Variants in IL34 observed in about 807,000 individuals in gnomAD.
IL34 encodes the protein interleukin 34, also known as interleukin-34.
IL34 carries 17 observed loss-of-function variants against 25.3 expected under a neutral mutation model. The ratio of observed to expected loss-of-function variants is 0.67; its 90% CI spans 0.46 to 1.01. IL34 has a LOEUF of 1.01. Among genes scored for constraint, IL34 ranks in the 50% least tolerant of loss-of-function variants. The pLI is 0.00. For missense variants in IL34, 368 were observed against 312.9 expected, an observed-to-expected ratio of 1.18 and a Z score of -1.33; for synonymous variants, 174 against 140.9, an observed-to-expected ratio of 1.23 and a Z score of -1.66.
chr16:70,610,566 GAC>G (rs2051075881), intron 1 of IL34, among the ~76,000 whole-genome samples: 1 of 152,186 alleles, frequency 6.6e-6, no homozygotes, highest in African/African-American at 2.4e-5. Flanking sequence ...TGGGGAGAAC[GAC>G]ACACAACACA....
chr16:70,637,325 A>G (rs2051678131), intron 1 of IL34, among the ~76,000 whole-genome samples: 3 of 151,928 alleles, frequency 2.0e-5, no homozygotes, highest in Admixed American at 1.3e-4. Context: ...AGGTTTTACA[A>G]TTAATTCTAT....
intron 1 of IL34, among the ~76,000 whole-genome samples, chr16:70,596,044 G>C (rs1481519579): frequency 1.3e-5 from 2 of 152,064 alleles, no homozygotes; most frequent in Middle Eastern, 3.4e-3. Flanking sequence ...TATAGACTGG[G>C]AGGCTTGTAA....
At position 70,646,666 on chromosome 16, in the gene IL34, C is replaced by T. The variant is rs568441421; in HGVS notation, c.-282C>T. The T allele has an allele frequency of 4.9e-5, 21 of 430,178 alleles. No homozygotes were observed. Among genetic ancestry groups the T allele is most frequent in the Middle Eastern group, 5.8e-4 (1 of 1,714 alleles). The allele number at this position is 430,178 out of a possible 1,614,324, so 26.6% of individuals were successfully genotyped here. Reference sequence around the variant, plus strand: ...TCCTGCTCCTTGGAAAGGAAGACCCCGAAAGACCCCCAAGCCACCGGCTCA... The same window carrying T: ...TCCTGCTCCTTGGAAAGGAAGACCCTGAAAGACCCCCAAGCCACCGGCTCA... On this transcript the variant is annotated 5_prime_UTR_variant, in exon 1 of 6. Transcript: ENST00000288098.
chr16:70,636,045 T>A (rs1302802803), intron 1 of IL34, among the ~76,000 whole-genome samples: 10 of 150,248 alleles, frequency 6.7e-5, no homozygotes, highest in South Asian at 2.1e-4. Flanking sequence ...TTTTTTTTTT[T>A]AATTTTTATT....
intron 1 of IL34, among the ~76,000 whole-genome samples, chr16:70,623,866 C>G (rs1336817456): frequency 6.6e-6 from 1 of 150,608 alleles, no homozygotes; most frequent in Non-Finnish European, 1.5e-5. Flanking sequence ...GGTTTAGAAG[C>G]CTGGCCGTCA....
intron 1 of IL34, among the ~76,000 whole-genome samples, chr16:70,611,538 C>G (rs142577698): frequency 1.3e-5 from 2 of 152,104 alleles, no homozygotes; most frequent in Non-Finnish European, 2.9e-5. Context: ...CCTGTAATCC[C>G]AGCTCTTTGG....
In IL34 at chr16:70,646,962, C is replaced by T; in HGVS notation, c.15C>T (p.Phe5=). 1 of 1,465,902 alleles carries T rather than the reference C, an allele frequency of 6.8e-7. No homozygotes were observed. The highest frequency in any genetic ancestry group is 9.0e-7 in the Non-Finnish European group (1 of 1,116,072). The allele number at this position is 1,465,902 out of a possible 1,614,324, so 90.8% of individuals were successfully genotyped here. A position where few individuals can be genotyped will look rare whatever the true frequency, so the allele number is the denominator to read the frequency against. The change falls in exon 1 of 6, where the codon TTC becomes TTT. Residue 5 remains phenylalanine, a synonymous_variant. Coordinates refer to ENST00000288098, the MANE Select transcript of IL34 (RefSeq NM_001393494.1). MPRG[F]TWLRYLGIFL... is the part of the protein sequence containing the mutation. The stretch of plus-strand genomic sequence containing the variant: ...GGAACACCACCATGCCCCGGGGCTT[C>T]ACCTGGCTGCGCTGTGAGTACTGGG...
chr16:70,609,659 T>G (rs1057143216), intron 1 of IL34, among the ~76,000 whole-genome samples: 4 of 152,168 alleles, frequency 2.6e-5, no homozygotes, highest in African/African-American at 9.6e-5. Context: ...AGAGACTGTC[T>G]GGGACTACAG....
rs3058045 is a variant in IL34 at position 70,602,583 on chromosome 16, ATGTG to A, written c.-401+22572_-401+22575del. 5.2e-3 allele frequency among the ~76,000 whole-genome samples: 703 copies of A among 135,010 alleles called. 5 individuals are homozygous for A. The highest frequency in any genetic ancestry group is 0.01 in the South Asian group (41 of 3,926). 88.6% of individuals were successfully genotyped at this position (135,010 alleles called of 152,430 possible). On this transcript the variant is annotated intron_variant, in intron 1 of 6. Coordinates refer to the IL34 transcript ENST00000429149. ...GTGAGAATTCCTAGCTTTGGAATTGATGTGTGTGTGTGTGTGTGTGTGTGTGTGT... is the reference window on the plus strand; with the variant it reads ...GTGAGAATTCCTAGCTTTGGAATTGATGTGTGTGTGTGTGTGTGTGTGTGT...
intron 1 of IL34, among the ~76,000 whole-genome samples, chr16:70,652,632 G>A (rs533771934): frequency 5.9e-5 from 9 of 152,270 alleles, no homozygotes; most frequent in South Asian, 4.1e-4. Context: ...ATTATGGAAC[G>A]TCTAGGCCAT....
chr16:70,648,419 G>T (rs2051994335), intron 1 of IL34, among the ~76,000 whole-genome samples: 2 of 152,016 alleles, frequency 1.3e-5, no homozygotes, highest in South Asian at 4.2e-4. Flanking sequence ...CAGGTGTGGT[G>T]GCATACATCT....
Position 70,660,371 on chromosome 16 carries a change from T to A in IL34, c.*184T>A, listed in dbSNP as rs1597785555. ...GGCTCAGCTTCCTGCCTTCCATAGC[T>A]GTCATGGCCTCACCTGGAGCGGAGG... On this transcript the variant is annotated 3_prime_UTR_variant, in exon 6 of 6. Transcript: ENST00000288098. The A allele has an allele frequency of 1.3e-5, 7 of 558,900 alleles. No individual in the cohort carries two copies. In the East Asian group the frequency reaches 2.2e-4, roughly 17 times the overall value. The allele number at this position is 558,900 out of a possible 1,614,324, so 34.6% of individuals were successfully genotyped here. A position where few individuals can be genotyped will look rare whatever the true frequency, so the allele number is the denominator to read the frequency against.
At position 70,597,994 on chromosome 16, in the gene IL34, G is replaced by A. The variant is rs199746257; in HGVS notation, c.-401+17945G>A. Among the ~76,000 whole-genome samples, 38 of 152,240 alleles carry A rather than the reference G, an allele frequency of 2.5e-4. No individual in the cohort carries two copies. In the East Asian group the frequency reaches 7.0e-3, roughly 28 times the overall value. On this transcript the variant is annotated intron_variant, in intron 1 of 6. Coordinates refer to the IL34 transcript ENST00000429149. ...CTGGTAGCTGGGACTACAGGTGCCC[G>A]CCACCATGTCTAGCTAATTTTTTAT...
chr16:70,634,587 G>T (rs941218652), intron 1 of IL34, among the ~76,000 whole-genome samples: 1 of 152,042 alleles, frequency 6.6e-6, no homozygotes, highest in Non-Finnish European at 1.5e-5. Flanking sequence ...GGCTGAGGCA[G>T]GAGAATTCCT....
At chr16:70,647,780 C>T (rs993231500) in intron 1 of IL34, among the ~76,000 whole-genome samples, 1 of 152,144 alleles carries the variant, frequency 6.6e-6, no homozygotes, top group South Asian at 2.1e-4. Context: ...AGAGTTGGGT[C>T]CACCCTGGCC....
At chr16:70,593,856 G>A (rs1276415826) in intron 1 of IL34, among the ~76,000 whole-genome samples, 1 of 152,088 alleles carries the variant, frequency 6.6e-6, no homozygotes, top group Admixed American at 6.6e-5. Context: ...GCAGGTGGAT[G>A]ATCAATCATT....
chr16:70,581,811 G>A (rs1004938629), intron 1 of IL34, among the ~76,000 whole-genome samples: 5 of 152,172 alleles, frequency 3.3e-5, no homozygotes, highest in Non-Finnish European at 7.3e-5. Context: ...GGCCGGACAT[G>A]GTGGCTCATG....
intron 1 of IL34, among the ~76,000 whole-genome samples, chr16:70,597,224 CTTTT>C (rs199537943): frequency 6.9e-6 from 1 of 144,908 alleles, no homozygotes; most frequent in Non-Finnish European, 1.5e-5. Context: ...AGTTTTTTAG[CTTTT>C]TTTTTTTTTG....
At chr16:70,612,334 G>GCTGGGGA (rs2051103395) in intron 1 of IL34, among the ~76,000 whole-genome samples, 2 of 151,886 alleles carry the variant, frequency 1.3e-5, no homozygotes, top group Non-Finnish European at 2.9e-5. Flanking sequence ...GGGGCTGGGG[G>GCTGGGGA]CTAGGGGGAT....
Sources: gnomAD v4.1 joint callset for allele counts (sites outside exome capture counted in the v4.1 genomes callset) on GRCh38, gnomAD v4.1.1 for gene constraint, MANE v1.5 for transcripts, NCBI Gene and HGNC (gene_info 2026-07-23, HGNC 2026-07-21) for gene names.